The following LOXHD1 variants were observed in gnomAD, a reference collection of about 807,000 sequenced individuals.
LOXHD1 encodes lipoxygenase homology domain-containing protein 1.
LOXHD1 carries 205 observed loss-of-function variants against 248.2 expected under a neutral mutation model. The ratio of observed to expected loss-of-function variants is 0.83; its 90% CI spans 0.74 to 0.93. The LOEUF is 0.93. Ranked by LOEUF, LOXHD1 falls within the 40% of genes least tolerant of loss-of-function variation. LOXHD1 has a pLI of 0.00. For synonymous variants in LOXHD1, 1,113 were observed against 1,162.8 expected, an observed-to-expected ratio of 0.96 and a Z score of 0.87; for missense variants, 2,930 against 2,971.6, an observed-to-expected ratio of 0.99 and a Z score of 0.33.
chr18:46,620,740 C>G (rs1262159618), intron 4 of LOXHD1, among the ~76,000 whole-genome samples: 1 of 152,068 alleles, frequency 6.6e-6, no homozygotes, highest in African/African-American at 2.4e-5. Flanking sequence ...TGTGGAAACG[C>G]TAAAGGTCCT....
Position 46,485,071 on chromosome 18 carries a change from G to A in LOXHD1, c.6130C>T (p.Arg2044Ter), listed in dbSNP as rs1306586204. Residue 2044 changes from arginine (R) to a stop codon, truncating the protein, a stop_gained, in exon 39 of 41, where the codon CGA becomes TGA. Transcript: ENST00000642948. LOFTEE classifies it high-confidence loss of function. ...TTTTCCATGAGAAACTCTTTGGATC[G>A]GTTCTTCCTGCCCTCCAGGATGAGC... is the stretch of plus-strand genomic sequence containing the variant. Reference protein sequence around the residue: ...VWLILEGRKNRSKEFLMENSS... With the variant: ...VWLILEGRKN The A allele has an allele frequency of 7.7e-6, 12 of 1,550,576 alleles. No individual in the cohort carries two copies. In the Admixed American group the frequency reaches 9.8e-5, roughly 13 times the overall value.
At position 46,483,770 on chromosome 18, in the gene LOXHD1, A is replaced by G. The variant is rs372062199; in HGVS notation, c.6183-25T>C. 1.0e-5 allele frequency: 16 copies of G among 1,547,172 alleles called. No homozygotes were observed. In the African/African-American group the frequency reaches 1.5e-4, roughly 15 times the overall value. ...CCTGCAGGAAACAAAAGTGTGGTCCATGAGCTGCCTTTGCCCACTGAAGCA... is the reference window on the plus strand; with the variant it reads ...CCTGCAGGAAACAAAAGTGTGGTCCGTGAGCTGCCTTTGCCCACTGAAGCA... On this transcript the variant is annotated intron_variant, in intron 39 of 40. Coordinates refer to ENST00000642948, the MANE Select transcript of LOXHD1 (RefSeq NM_001384474.1).
intron 35 of LOXHD1, among the ~76,000 whole-genome samples, chr18:46,508,960 G>C (rs890194367): frequency 2.6e-5 from 4 of 152,154 alleles, no homozygotes; most frequent in African/African-American, 9.7e-5. Context: ...AAGGCACAGA[G>C]CCGCACAGCT....
At chr18:46,623,962 G>A (rs1458935971) in intron 4 of LOXHD1, among the ~76,000 whole-genome samples, 2 of 152,224 alleles carry the variant, frequency 1.3e-5, no homozygotes, top group Admixed American at 1.3e-4. Context: ...CCGTAACTAA[G>A]CCCCCATCTC....
intron 22 of LOXHD1, among the ~76,000 whole-genome samples, chr18:46,545,627 CTTTTTT>C (rs56323729): frequency 1.1e-4 from 10 of 92,236 alleles, no homozygotes; most frequent in Admixed American, 5.7e-4. Flanking sequence ...TTGGCCATTT[CTTTTTT>C]TTTTTTTTTT....
chr18:46,542,507 A>C (rs1162285660), intron 24 of LOXHD1, among the ~76,000 whole-genome samples: 2 of 152,196 alleles, frequency 1.3e-5, no homozygotes, highest in Non-Finnish European at 2.9e-5. Flanking sequence ...AGGCTTTAAA[A>C]ATCACCAGTG....
chr18:46,484,227 A>C (rs530267261), intron 39 of LOXHD1, among the ~76,000 whole-genome samples: 4 of 152,274 alleles, frequency 2.6e-5, no homozygotes, highest in African/African-American at 9.6e-5. Flanking sequence ...TAAGGTGTCC[A>C]GACTTCATCC....
chr18:46,546,973 A>C lies in LOXHD1; in HGVS notation c.3436T>G (p.Tyr1146Asp). The change falls in exon 22 of 41, where the codon TAT (tyrosine) becomes GAT (aspartate). Residue 1146 changes from tyrosine (Y) to aspartate (D), a missense_variant. Tyr to Asp is a radical substitution (Grantham distance 160). Transcript: ENST00000642948. The stretch of plus-strand genomic sequence containing the variant: ...CCCTCCTCGCTCTGTGGCAGCACAT[A>C]GGACTCATCCACTGGCAACAGCTCC... ...SRELLPVDESYVLPQSEEGRG... is the reference protein window; with the variant it reads ...SRELLPVDESDVLPQSEEGRG... 1 of 1,551,734 alleles carries C rather than the reference A, an allele frequency of 6.4e-7. No homozygotes were observed. Among genetic ancestry groups the C allele is most frequent in the Non-Finnish European group, 8.7e-7 (1 of 1,146,994 alleles).
At chr18:46,639,479 TAACC>T in intron 4 of LOXHD1, 133 bp downstream of exon 4, 2 of 1,076,328 alleles carry the variant, frequency 1.9e-6, no homozygotes, top group Non-Finnish European at 2.6e-6. Flanking sequence ...CCCTTGGCCC[TAACC>T]AACAGGAAGG....
rs542648855 is a variant in LOXHD1 at position 46,569,595 on chromosome 18, C to G, written c.2091G>C (p.Gly697=). 3.9e-6 allele frequency: 6 copies of G among 1,551,608 alleles called. No homozygotes were observed. The South Asian group carries it at 4.8e-5, about 12-fold the overall frequency. The change falls in exon 16 of 41, where the codon GGG becomes GGC. Residue 697 remains glycine (G), a synonymous_variant. Coordinates refer to ENST00000642948, the MANE Select transcript of LOXHD1 (RefSeq NM_001384474.1). ...HISLKTGDVS[G]ASTDSRVYIK... is the part of the protein sequence containing the mutation. ...TGTAGACTCTAGAATCCGTGCTGGC[C>G]CCAGAGACATCCCCAGTCTTCAAGC...
intron 26 of LOXHD1, among the ~76,000 whole-genome samples, chr18:46,535,689 G>A (rs951009191): frequency 1.3e-5 from 2 of 152,136 alleles, no homozygotes; most frequent in African/African-American, 4.8e-5. Flanking sequence ...TCCTGCCTCA[G>A]CCCCTGGAGT....
intron 39 of LOXHD1, 31 bp downstream of exon 39, chr18:46,484,988 C>G (rs2032919733): frequency 6.5e-7 from 1 of 1,546,010 alleles, no homozygotes; most frequent in Non-Finnish European, 8.8e-7. Flanking sequence ...TACCCACCCC[C>G]CACCACTTCC....
rs2036570147 is a variant in LOXHD1 at position 46,541,783 on chromosome 18, G to C, written c.3906C>G (p.Tyr1302Ter). 10 of 1,551,720 alleles carry C rather than the reference G, an allele frequency of 6.4e-6. No homozygotes were observed. The highest frequency in any genetic ancestry group is 8.7e-6 in the Non-Finnish European group (10 of 1,146,986). ...GCCGTGTGTGGTTCCTACATGGTGTGTACAGCCTCGTCTGAAGCTCTGCAT... is the reference window on the plus strand; with the variant it reads ...GCCGTGTGTGGTTCCTACATGGTGTCTACAGCCTCGTCTGAAGCTCTGCAT... ...LFHAELQTRL[Y>*]TPFVPYEITL... The change falls in exon 25 of 41, where the codon TAC becomes TAG. Residue 1302 changes from tyrosine (Y) to a stop codon, truncating the protein, a stop_gained. Coordinates refer to ENST00000642948, the MANE Select transcript of LOXHD1 (RefSeq NM_001384474.1). LOFTEE classifies it high-confidence loss of function.
chr18:46,554,889 A>T (rs1416078963), intron 21 of LOXHD1, among the ~76,000 whole-genome samples: 1 of 152,210 alleles, frequency 6.6e-6, no homozygotes, highest in African/African-American at 2.4e-5. Context: ...ACTTATTCTA[A>T]ATATGCAATT....
At chr18:46,594,505 T>G in intron 8 of LOXHD1, 39 bp from the exon 9 acceptor site, 2 of 1,549,762 alleles carry the variant, frequency 1.3e-6, no homozygotes, top group East Asian at 2.4e-5. Flanking sequence ...GCATTGAGTC[T>G]CCAGTAGGGT....
rs1455876448 is a variant in LOXHD1 at position 46,657,079 on chromosome 18, C to T, written c.-46G>A. 1.9e-6 allele frequency: 3 copies of T among 1,551,202 alleles called. No homozygotes were observed. Among genetic ancestry groups the T allele is most frequent in the Middle Eastern group, 1.7e-4 (1 of 5,974 alleles). ...AGCGCTCGCAGGCTCACTGTGCCGC[C>T]TCCTCACACCTGCGGGAACCTGAGA... On this transcript the variant is annotated 5_prime_UTR_variant, in exon 1 of 41. Coordinates refer to ENST00000642948, the MANE Select transcript of LOXHD1 (RefSeq NM_001384474.1).
Position 46,610,642 on chromosome 18 carries a change from C to T in LOXHD1, c.759+134G>A, listed in dbSNP as rs1033984145. 11 of 980,598 alleles carry T rather than the reference C, an allele frequency of 1.1e-5. No individual in the cohort carries two copies. The East Asian group carries it at 2.8e-4, about 25-fold the overall frequency. 60.7% of individuals were successfully genotyped at this position (980,598 alleles called of 1,614,324 possible). On this transcript the variant is annotated intron_variant, in intron 6 of 40. Transcript: ENST00000642948. Reference sequence around the variant, plus strand: ...GCCATAAGGAGGACAGAATGGCTGGCCATCTGGCTTAGGTAGAAGAGTGGA... The same window carrying T: ...GCCATAAGGAGGACAGAATGGCTGGTCATCTGGCTTAGGTAGAAGAGTGGA...
rs1444405072 is a variant in LOXHD1 at position 46,593,672 on chromosome 18, C to T, written c.1359G>A (p.Lys453=). The change falls in exon 10 of 41, where the codon AAG becomes AAA. Residue 453 remains lysine, a synonymous_variant. Transcript: ENST00000642948. Reference sequence around the variant, plus strand: ...TCAGGAGAATCTCATCTGTCCGCCCCTTCTGCCCATAAATCTGGATGAAGA... The same window carrying T: ...TCAGGAGAATCTCATCTGTCCGCCCTTTCTGCCCATAAATCTGGATGAAGA... ...SPIFIQIYGQ[K]GRTDEILLNP... 1.9e-6 allele frequency: 3 copies of T among 1,552,222 alleles called. No individual in the cohort carries two copies. Among genetic ancestry groups the T allele is most frequent in the East Asian group, 2.4e-5 (1 of 40,926 alleles).
chr18:46,505,921 C>T lies in LOXHD1; in HGVS notation c.5795G>A (p.Arg1932Gln), dbSNP rs776690601. The T allele has an allele frequency of 2.8e-5, 44 of 1,551,828 alleles. No homozygotes were observed. The highest frequency in any genetic ancestry group is 2.1e-4 in the South Asian group (18 of 84,058). Residue 1932 changes from arginine (R) to glutamine (Q), a missense_variant, in exon 37 of 41, where the codon CGG becomes CAG. Arg to Gln is a conservative substitution (Grantham distance 43). Transcript: ENST00000642948. ...GAAGTTGAATGTGTCCGTGTTGTTC[C>T]GCTCAAACTTGTTCCAGTTTGCCGA... ...KQSANWNKFE[R>Q]NNTDTFNFPD...
Sources: allele counts gnomAD v4.1 joint callset (sites outside exome capture counted in the v4.1 genomes callset), GRCh38; gene constraint gnomAD v4.1.1; transcripts MANE v1.5; gene names NCBI Gene and HGNC (gene_info 2026-07-23, HGNC 2026-07-21).